The following CREB5 variants were observed in gnomAD, a reference collection of about 807,000 sequenced individuals.
CREB5 encodes cyclic AMP-responsive element-binding protein 5.
A neutral mutation model predicts 57.1 loss-of-function variants in CREB5; 19 were observed. That is an observed-to-expected ratio of 0.33 (90% confidence interval 0.23 to 0.49). The LOEUF is 0.49. Ranked by LOEUF, CREB5 falls within the 20% of genes least tolerant of loss-of-function variation. CREB5 has a pLI of 0.99. For synonymous variants in CREB5, 238 were observed against 238.3 expected (o/e 1.00, Z 0.01); for missense variants, 579 against 671.6 (o/e 0.86, Z 1.52).
At chr7:28,427,442 CT>C (rs1037341811) in intron 1 of CREB5, among the ~76,000 whole-genome samples, 6 of 152,110 alleles carry the variant, frequency 3.9e-5, no homozygotes, top group African/African-American at 1.4e-4. Flanking sequence ...ACATGACCAA[CT>C]TTTGGCAAGA....
intron 4 of CREB5, among the ~76,000 whole-genome samples, chr7:28,535,498 CCT>C (rs1793917218): frequency 7.1e-6 from 1 of 141,336 alleles, no homozygotes; most frequent in African/African-American, 2.7e-5. Context: ...ATCTCGACTT[CCT>C]CTTTCATTTA....
chr7:28,692,048 T>C (rs933473796), intron 5 of CREB5, among the ~76,000 whole-genome samples: 17 of 148,556 alleles, frequency 1.1e-4, no homozygotes, highest in Non-Finnish European at 2.4e-4. Context: ...TAGCTGGGCG[T>C]GGTGGCATGC....
At chr7:28,440,207 C>T (rs899978517) in intron 1 of CREB5, among the ~76,000 whole-genome samples, 4 of 152,148 alleles carry the variant, frequency 2.6e-5, no homozygotes, top group South Asian at 4.1e-4. Context: ...TGTCGCACTC[C>T]AGTCCGACAA....
chr7:28,417,549 A>G (rs373407864), intron 1 of CREB5, among the ~76,000 whole-genome samples: 6 of 152,304 alleles, frequency 3.9e-5, no homozygotes, highest in African/African-American at 1.4e-4. Context: ...AACTTATTAA[A>G]AAACACTGAT....
At chr7:28,556,890 C>A (rs1794902514) in intron 4 of CREB5, among the ~76,000 whole-genome samples, 1 of 152,156 alleles carries the variant, frequency 6.6e-6, no homozygotes, top group African/African-American at 2.4e-5. Context: ...TTTCTTTGAC[C>A]AGGAGCCACA....
chr7:28,457,411 T>C (rs1366174367), intron 1 of CREB5, among the ~76,000 whole-genome samples: 1 of 152,160 alleles, frequency 6.6e-6, no homozygotes, highest in Non-Finnish European at 1.5e-5. Flanking sequence ...TCCTCCCCCA[T>C]GTTCTGCATA....
intron 7 of CREB5, among the ~76,000 whole-genome samples, chr7:28,788,127 T>C (rs1173032568): frequency 2.6e-5 from 4 of 152,172 alleles, no homozygotes; most frequent in Non-Finnish European, 5.9e-5. Context: ...TGTGGCATTA[T>C]TGACATTCTG....
chr7:28,394,407 TA>T (rs916074743), intron 1 of CREB5, among the ~76,000 whole-genome samples: 14 of 151,714 alleles, frequency 9.2e-5, no homozygotes, highest in African/African-American at 2.9e-4. Flanking sequence ...TGGAGTAGAT[TA>T]AAAAAAATAA....
At position 28,412,536 on chromosome 7, in the gene CREB5, CA is replaced by C. The variant is rs1427332207; in HGVS notation, c.-376del. 2 of 176,764 alleles carry C rather than the reference CA, an allele frequency of 1.1e-5. No individual in the cohort carries two copies. The highest frequency in any genetic ancestry group is 2.4e-5 in the Non-Finnish European group (2 of 84,680). 10.9% of individuals were successfully genotyped at this position (176,764 alleles called of 1,614,324 possible). ...GCGAGGTGTTCTTCAACATTTACAA[CA>C]AAGTTGATTCTGTGTAGGGTTGGAG... On this transcript the variant is annotated 5_prime_UTR_variant, in exon 1 of 11. Transcript: ENST00000357727.
At chr7:28,334,559 T>A (rs1785776750) in intron 1 of CREB5, among the ~76,000 whole-genome samples, 1 of 152,236 alleles carries the variant, frequency 6.6e-6, no homozygotes. Flanking sequence ...AAATTTTTCC[T>A]GTAGAGTTGC....
chr7:28,643,995 T>C (rs1422107931), intron 5 of CREB5, among the ~76,000 whole-genome samples: 1 of 151,894 alleles, frequency 6.6e-6, no homozygotes, highest in African/African-American at 2.4e-5. Flanking sequence ...GGAGAATTGT[T>C]TGGGCCCAAG....
intron 4 of CREB5, among the ~76,000 whole-genome samples, chr7:28,540,883 A>T (rs1794180633): frequency 1.3e-5 from 2 of 152,130 alleles, no homozygotes; most frequent in African/African-American, 4.8e-5. Flanking sequence ...GCTTCTTTTC[A>T]TGGACCCACA....
At chr7:28,352,597 TC>T (rs1234608731) in intron 1 of CREB5, among the ~76,000 whole-genome samples, 3 of 152,188 alleles carry the variant, frequency 2.0e-5, no homozygotes, top group African/African-American at 4.8e-5. Flanking sequence ...TTGGGCTGGC[TC>T]CCTTCAAAGT....
chr7:28,653,213 T>C (rs1799212591), intron 5 of CREB5, among the ~76,000 whole-genome samples: 1 of 152,178 alleles, frequency 6.6e-6, no homozygotes, highest in Admixed American at 6.5e-5. Flanking sequence ...AAATTATAGC[T>C]ACCATTTGAA....
At chr7:28,474,843 G>C (rs1337762283) in intron 1 of CREB5, among the ~76,000 whole-genome samples, 2 of 152,150 alleles carry the variant, frequency 1.3e-5, no homozygotes, top group African/African-American at 4.8e-5. Flanking sequence ...GAGGCACTTA[G>C]TGGAGGATAT....
chr7:28,744,491 G>T (rs991858595), intron 7 of CREB5, among the ~76,000 whole-genome samples: 2 of 151,736 alleles, frequency 1.3e-5, no homozygotes, highest in African/African-American at 4.8e-5. Flanking sequence ...GGGATTACAG[G>T]TACACACCAC....
At chr7:28,590,854 A>G (rs1796483905) in intron 5 of CREB5, among the ~76,000 whole-genome samples, 1 of 152,164 alleles carries the variant, frequency 6.6e-6, no homozygotes, top group Non-Finnish European at 1.5e-5. Context: ...ACAGATAAAA[A>G]TATCTGGCAT....
At chr7:28,400,989 A>C (rs528033998) in intron 1 of CREB5, among the ~76,000 whole-genome samples, 1 of 152,310 alleles carries the variant, frequency 6.6e-6, no homozygotes, top group African/African-American at 2.4e-5. Context: ...ATTACTTTCC[A>C]CTTACCATTG....
At chr7:28,772,910 C>G (rs922693262) in intron 7 of CREB5, among the ~76,000 whole-genome samples, 2 of 152,128 alleles carry the variant, frequency 1.3e-5, no homozygotes, top group Non-Finnish European at 2.9e-5. Context: ...CACTTTGCTA[C>G]TTGGTGGTCA....
Sources: gnomAD v4.1 joint callset for allele counts (sites outside exome capture counted in the v4.1 genomes callset) on GRCh38, gnomAD v4.1.1 for gene constraint, MANE v1.5 for transcripts, NCBI Gene and HGNC (gene_info 2026-07-23, HGNC 2026-07-21) for gene names.